The following PISD variants were observed in gnomAD, a reference collection of about 807,000 sequenced individuals.
The protein encoded by PISD is phosphatidylserine decarboxylase proenzyme, mitochondrial.
PISD carries 31 observed loss-of-function variants against 43.5 expected under a neutral mutation model. The observed-to-expected ratio is 0.71, with a 90% CI of 0.54 to 0.96. The LOEUF (loss-of-function observed/expected upper bound fraction) is 0.96, where lower values mean the gene tolerates loss of function less well. Ranked by LOEUF, PISD falls within the 40% of genes least tolerant of loss-of-function variation. The pLI, the probability that PISD is intolerant of heterozygous loss-of-function variation, is 0.00. For synonymous variants in PISD, 259 were observed against 228.7 expected (o/e 1.13, Z -1.20); for missense variants, 523 against 548.4 (o/e 0.95, Z 0.46).
At chr22:31,623,892 C>T (rs754797089) in intron 3 of PISD, 105 of 1,584,378 alleles carry the variant, frequency 6.6e-5, no homozygotes, top group Non-Finnish European at 8.9e-5. Flanking sequence ...AGTGGCCAGG[C>T]TCTGGGCAGG....
intron 5 of PISD, 91 bp downstream of exon 5, chr22:31,621,242 GC>G: frequency 6.2e-7 from 1 of 1,608,582 alleles, no homozygotes; most frequent in East Asian, 2.2e-5. Context: ...GGCCCCACAT[GC>G]CAGCCTCAGT....
chr22:31,662,088 C>T (rs951632133), intron 1 of PISD, 56 bp downstream of exon 1: 1 of 1,479,242 alleles, frequency 6.8e-7, no homozygotes, highest in South Asian at 1.1e-5. Context: ...CTCTTCAGAC[C>T]CCAGCTTGGT....
At chr22:31,632,341 G>A (rs2073239692) in intron 3 of PISD, 1 of 601,148 alleles carries the variant, frequency 1.7e-6, no homozygotes, top group Non-Finnish European at 2.1e-6. Context: ...AAGGCACAGT[G>A]CCACCCCTAA....
At chr22:31,633,716 A>G (rs572385424) in intron 3 of PISD, among the ~76,000 whole-genome samples, 2 of 151,922 alleles carry the variant, frequency 1.3e-5, no homozygotes, top group South Asian at 4.1e-4. Context: ...CTCGTCTCAA[A>G]AAACAAACAA....
chr22:31,628,966 C>T (rs932593247), intron 3 of PISD: 16 of 985,320 alleles, frequency 1.6e-5, no homozygotes, highest in African/African-American at 1.2e-4. Flanking sequence ...CCCAAACTTG[C>T]GCGGAGTGAC....
chr22:31,658,999 A>T (rs1221198641), intron 1 of PISD, among the ~76,000 whole-genome samples: 2 of 151,646 alleles, frequency 1.3e-5, no homozygotes, highest in East Asian at 3.9e-4. Flanking sequence ...GACTACATGT[A>T]TGCACCACTA....
chr22:31,653,477 G>T (rs890543466), intron 1 of PISD, among the ~76,000 whole-genome samples: 1 of 152,130 alleles, frequency 6.6e-6, no homozygotes, highest in Non-Finnish European at 1.5e-5. Flanking sequence ...GATCATTTAT[G>T]TATCCACCGT....
chr22:31,661,329 T>C (rs896517091), intron 1 of PISD, among the ~76,000 whole-genome samples: 1 of 152,198 alleles, frequency 6.6e-6, no homozygotes. Flanking sequence ...CACACAAGTA[T>C]GGCGCATCTC....
At chr22:31,633,783 C>T (rs543600727) in intron 3 of PISD, among the ~76,000 whole-genome samples, 3 of 152,300 alleles carry the variant, frequency 2.0e-5, no homozygotes, top group Admixed American at 1.3e-4. Flanking sequence ...CCGAGATTAG[C>T]ACTACCCCAC....
At chr22:31,644,099 T>C (rs2073814748) in intron 3 of PISD, among the ~76,000 whole-genome samples, 2 of 151,918 alleles carry the variant, frequency 1.3e-5, no homozygotes, top group South Asian at 4.1e-4. Context: ...AAGGGAACAT[T>C]AGGTAGGGCT....
intron 3 of PISD, among the ~76,000 whole-genome samples, chr22:31,635,770 G>A (rs1347613167): frequency 6.6e-6 from 1 of 152,194 alleles, no homozygotes; most frequent in East Asian, 1.9e-4. Context: ...ACAATTCTCT[G>A]AGGTCAGAGC....
chr22:31,661,231 C>T (rs1440251437), intron 1 of PISD, among the ~76,000 whole-genome samples: 1 of 152,100 alleles, frequency 6.6e-6, no homozygotes, highest in Non-Finnish European at 1.5e-5. Flanking sequence ...GGTTTCTGTT[C>T]CCTCTCAGTC....
intron 3 of PISD, among the ~76,000 whole-genome samples, chr22:31,624,713 A>ACACC (rs2072787235): frequency 1.5e-4 from 1 of 6,786 alleles, no homozygotes; most frequent in South Asian, 4.5e-3. Flanking sequence ...GCAAAGGTGG[A>ACACC]CACACACACA....
At chr22:31,651,955 G>A (rs62239172) in intron 1 of PISD, among the ~76,000 whole-genome samples, 8,308 of 152,060 alleles carry the variant, frequency 0.055, 211 homozygotes, top group Non-Finnish European at 0.065. Context: ...ACCAAATACT[G>A]ACCTGAAATC....
intron 3 of PISD, among the ~76,000 whole-genome samples, chr22:31,644,669 G>A (rs1382871798): frequency 6.6e-6 from 1 of 152,168 alleles, no homozygotes; most frequent in Non-Finnish European, 1.5e-5. Context: ...GCCCCAGACA[G>A]CCATTCAACA....
At chr22:31,657,738 G>C (rs2074220177) in intron 1 of PISD, among the ~76,000 whole-genome samples, 1 of 150,354 alleles carries the variant, frequency 6.7e-6, no homozygotes, top group African/African-American at 2.4e-5. Flanking sequence ...CCACGCTGGT[G>C]TTGAACTCCT....
chr22:31,637,164 AATATATATATATATATATATATAT>A lies in PISD; in HGVS notation c.321+10913_321+10936del, dbSNP rs61010566. Among the ~76,000 whole-genome samples, 95 of 13,650 alleles carry A rather than the reference AATATATATATATATATATATATAT, an allele frequency of 7.0e-3. 2 individuals are homozygous for A. The highest frequency in any genetic ancestry group is 0.038 in the South Asian group (12 of 318). 9.0% of individuals were successfully genotyped at this position (13,650 alleles called of 152,430 possible). On this transcript the variant is annotated intron_variant, in intron 3 of 7. Transcript: ENST00000439502. ...AAATTAAAAAAAAAAAAAAAAAAAA[AATATATATATATATATATATATAT>A]ATATATATATATATATATAGAAAAA...
chr22:31,642,258 G>A (rs1203259956), intron 3 of PISD, among the ~76,000 whole-genome samples: 3 of 150,394 alleles, frequency 2.0e-5, no homozygotes, highest in African/African-American at 7.5e-5. Flanking sequence ...ACCAGCCTAG[G>A]CAACATAGTG....
intron 3 of PISD, chr22:31,625,993 AG>A: frequency 6.9e-7 from 1 of 1,459,024 alleles, no homozygotes; most frequent in South Asian, 1.4e-5. Flanking sequence ...GGTGGCTCAC[AG>A]GGTGCAGAAT....
Sources: gnomAD v4.1 joint callset for allele counts (sites outside exome capture counted in the v4.1 genomes callset) on GRCh38, gnomAD v4.1.1 for gene constraint, MANE v1.5 for transcripts, NCBI Gene and HGNC (gene_info 2026-07-23, HGNC 2026-07-21) for gene names.